ANKRD62: variants seen among roughly 807,000 people sequenced by gnomAD.
ANKRD62 encodes the protein ankyrin repeat domain 62.
Under a neutral mutation model 98.8 loss-of-function variants are expected in ANKRD62, and 61 were observed. The observed-to-expected ratio is 0.62, with a 90% CI of 0.50 to 0.76. The LOEUF is 0.76. Ranked by LOEUF, ANKRD62 falls within the 30% of genes least tolerant of loss-of-function variation. The pLI, the probability that ANKRD62 is intolerant of heterozygous loss-of-function variation, is 0.00. For synonymous variants in ANKRD62, 341 were observed against 367.9 expected (o/e 0.93, Z 0.84); for missense variants, 933 against 1,082.9 (o/e 0.86, Z 1.94).
At chr18:12,112,807 A>G (rs947588395) in intron 8 of ANKRD62, among the ~76,000 whole-genome samples, 2 of 152,252 alleles carry the variant, frequency 1.3e-5, no homozygotes, top group African/African-American at 4.8e-5. Context: ...TTTGCAAACT[A>G]TGCATCTGGC....
chr18:12,156,765 TA>T, the ANKRD62 span, among the ~76,000 whole-genome samples: 1 of 151,576 alleles, frequency 6.6e-6, no homozygotes, highest in Non-Finnish European at 1.5e-5. Flanking sequence ...TTTGTTTTCA[TA>T]AAAAATATCC....
At chr18:12,162,859 G>T in the ANKRD62 span, among the ~76,000 whole-genome samples, 3 of 150,790 alleles carry the variant, frequency 2.0e-5, no homozygotes, top group African/African-American at 4.9e-5. Context: ...TCTTTACTCT[G>T]TTGCATTGGT....
the ANKRD62 span, among the ~76,000 whole-genome samples, chr18:12,178,169 A>T: frequency 3.3e-5 from 5 of 151,506 alleles, no homozygotes; most frequent in South Asian, 1.0e-3. Context: ...GGAGAAAGTG[A>T]CATGTAAGGC....
the ANKRD62 span, among the ~76,000 whole-genome samples, chr18:12,151,213 T>C: frequency 2.0e-5 from 3 of 152,164 alleles, no homozygotes; most frequent in Non-Finnish European, 4.4e-5. Flanking sequence ...AATGGTAAAG[T>C]GTTGAATTCA....
the ANKRD62 span, among the ~76,000 whole-genome samples, chr18:12,164,971 G>T: frequency 6.6e-6 from 1 of 151,928 alleles, no homozygotes; most frequent in Non-Finnish European, 1.5e-5. Flanking sequence ...AGTGGAGGGT[G>T]CATATGTACT....
chr18:12,164,913 C>A, the ANKRD62 span, among the ~76,000 whole-genome samples: 1 of 151,868 alleles, frequency 6.6e-6, no homozygotes, highest in Non-Finnish European at 1.5e-5. Flanking sequence ...GTATTTAGGT[C>A]TATCTTTTTA....
chr18:12,101,358 G>A (rs796780328), intron 6 of ANKRD62, among the ~76,000 whole-genome samples: 1 of 152,136 alleles, frequency 6.6e-6, no homozygotes, highest in South Asian at 2.1e-4. Context: ...TTTAGAATTT[G>A]TAATATTTTG....
intron 7 of ANKRD62, among the ~76,000 whole-genome samples, chr18:12,104,514 G>A (rs932534001): frequency 6.6e-6 from 1 of 152,066 alleles, no homozygotes; most frequent in African/African-American, 2.4e-5. Flanking sequence ...TCCCTTATGT[G>A]CAAAAGTATG....
At position 12,122,392 on chromosome 18, in the gene ANKRD62, G is replaced by A. The variant is rs769160533; in HGVS notation, c.1330G>A (p.Val444Ile). The A allele has an allele frequency of 1.2e-4, 189 of 1,535,344 alleles. No individual in the cohort carries two copies. Among genetic ancestry groups the A allele is most frequent in the Non-Finnish European group, 1.5e-4 (174 of 1,146,638 alleles). Residue 444 changes from valine to isoleucine, a missense_variant, in exon 11 of 14, where the codon GTA (valine) becomes ATA (isoleucine). By Grantham distance (29) the Val-to-Ile change is conservative (BLOSUM62 3). Around this residue, in one of 3 missense-constraint regions of ANKRD62, gnomAD observed 549 missense variants for 587.9 expected, o/e 0.93. Coordinates refer to ENST00000587848, the MANE Select transcript of ANKRD62 (RefSeq NM_001277333.2). ...DQKCYCERLK[V>I]KFQKMKNNIS... ...AAAATGTTACTGTGAACGACTTAAA[G>A]TAAAATTTCAAAAAATGAAAAATAA...
At chr18:12,132,428 CCCTT>C (rs1186889869), downstream of ANKRD62, among the ~76,000 whole-genome samples, 1 of 152,044 alleles carries the variant, frequency 6.6e-6, no homozygotes, top group East Asian at 1.9e-4. Context: ...CTTCCTTCCT[CCCTT>C]CTTTCTTCCT....
chr18:12,171,236 T>C, the ANKRD62 span, among the ~76,000 whole-genome samples: 19 of 152,380 alleles, frequency 1.2e-4, no homozygotes, highest in African/African-American at 3.8e-4. Flanking sequence ...CTAGCATCGA[T>C]GGTCTTTTTA....
the ANKRD62 span, among the ~76,000 whole-genome samples, chr18:12,167,892 C>T: frequency 0.023 from 3,475 of 152,318 alleles, 73 homozygotes; most frequent in Non-Finnish European, 0.03. Flanking sequence ...TCATGATGAG[C>T]ATTTTTTCAT....
chr18:12,169,518 G>A, the ANKRD62 span, among the ~76,000 whole-genome samples: 1 of 152,166 alleles, frequency 6.6e-6, no homozygotes, highest in Non-Finnish European at 1.5e-5. Context: ...TTGATGTGCT[G>A]CTGGTTTCTG....
chr18:12,166,072 T>C, the ANKRD62 span, among the ~76,000 whole-genome samples: 1 of 152,302 alleles, frequency 6.6e-6, no homozygotes, highest in East Asian at 1.9e-4. Flanking sequence ...CCTTTCTTTA[T>C]TCTTGACCTT....
In ANKRD62 at chr18:12,093,986, C is replaced by G. The variant is rs1160456389; in HGVS notation, c.-32C>G. The stretch of plus-strand genomic sequence containing the variant: ...GGAGCTGAGGTGTCTTAAAGCCGTT[C>G]CTCAGCCTGGGAGAAGATCTCTGGC... On this transcript the variant is annotated 5_prime_UTR_variant, in exon 1 of 14. Coordinates refer to ENST00000587848, the MANE Select transcript of ANKRD62 (RefSeq NM_001277333.2). The G allele has an allele frequency of 5.2e-6, 8 of 1,532,376 alleles. No individual in the cohort carries two copies. Among genetic ancestry groups the G allele is most frequent in the African/African-American group, 1.4e-5 (1 of 73,002 alleles). The allele number at this position is 1,532,376 out of a possible 1,614,324, so 94.9% of individuals were successfully genotyped here. A position where few individuals can be genotyped will look rare whatever the true frequency, so the allele number is the denominator to read the frequency against.
chr18:12,116,160 A>C (rs766972626), intron 10 of ANKRD62, among the ~76,000 whole-genome samples: 1 of 152,200 alleles, frequency 6.6e-6, no homozygotes, highest in Non-Finnish European at 1.5e-5. Context: ...TGACAGATAC[A>C]TACCCGTGTG....
At chr18:12,134,340 A>G (rs543984920), downstream of ANKRD62, among the ~76,000 whole-genome samples, 2 of 152,186 alleles carry the variant, frequency 1.3e-5, no homozygotes, top group African/African-American at 4.8e-5. Context: ...CCCTATTGAC[A>G]TAACTATAGT....
intron 11 of ANKRD62, among the ~76,000 whole-genome samples, chr18:12,122,855 TCTTTA>T (rs1323619322): frequency 2.0e-5 from 3 of 152,204 alleles, no homozygotes; most frequent in Non-Finnish European, 2.9e-5. Flanking sequence ...CATTTCTATT[TCTTTA>T]CTTTGGATAA....
At chr18:12,161,538 C>T in the ANKRD62 span, among the ~76,000 whole-genome samples, 1 of 152,052 alleles carries the variant, frequency 6.6e-6, no homozygotes, top group African/African-American at 2.4e-5. Flanking sequence ...TACAAACCAT[C>T]CAATTATAGT....
Sources: allele counts gnomAD v4.1 joint callset (sites outside exome capture counted in the v4.1 genomes callset), GRCh38; gene constraint gnomAD v4.1.1; regional missense constraint gnomAD v4.1.1; transcripts MANE v1.5; gene names NCBI Gene and HGNC (gene_info 2026-07-23, HGNC 2026-07-21).